The following NDUFV2 variants were observed in gnomAD, a reference collection of about 807,000 sequenced individuals.
The protein encoded by NDUFV2 is NADH:ubiquinone oxidoreductase core subunit V2.
In NDUFV2, 18 loss-of-function variants were observed where a neutral mutation model predicts 31.6. The observed-to-expected ratio is 0.57, with a 90% CI of 0.39 to 0.84. NDUFV2 has a LOEUF of 0.84. Among genes scored for constraint, NDUFV2 ranks in the 40% least tolerant of loss-of-function variants. The pLI, the probability that NDUFV2 is intolerant of heterozygous loss-of-function variation, is 0.00. For synonymous variants in NDUFV2, 83 were observed against 99.8 expected (o/e 0.83, Z 1.01); for missense variants, 314 against 303.6 (o/e 1.03, Z -0.26).
At chr18:9,133,183 A>T (rs1327387808) in intron 7 of NDUFV2, among the ~76,000 whole-genome samples, 6 of 152,370 alleles carry the variant, frequency 3.9e-5, no homozygotes, top group Non-Finnish European at 5.9e-5. Context: ...TCTAAAGAAC[A>T]GACTTAAAGG....
In NDUFV2 at chr18:9,124,976, A is replaced by T; in HGVS notation, c.572A>T (p.Asn191Ile). ...GCACCAATGGTTCAAATAAATGACA[A>T]TTACTATGTGAGTATTTCAGGTAAT... is the stretch of plus-strand genomic sequence containing the variant. ...VNAPMVQIND[N>I]YYEDLTAKDI... is the part of the protein sequence containing the mutation. Residue 191 changes from asparagine (N) to isoleucine (I), a missense_variant, in exon 6 of 8, where the codon AAT (asparagine) becomes ATT (isoleucine). Coordinates refer to ENST00000318388, the MANE Select transcript of NDUFV2 (RefSeq NM_021074.5). 1.9e-6 allele frequency: 3 copies of T among 1,613,412 alleles called. No homozygotes were observed. Among genetic ancestry groups the T allele is most frequent in the Non-Finnish European group, 2.5e-6 (3 of 1,179,528 alleles).
At chr18:9,116,131 C>T (rs1015345152) in intron 1 of NDUFV2, among the ~76,000 whole-genome samples, 1 of 152,148 alleles carries the variant, frequency 6.6e-6, no homozygotes, top group African/African-American at 2.4e-5. Context: ...TCTCTTCAGG[C>T]TATTAGCCTC....
At chr18:9,122,845 T>G (rs1036835203) in intron 5 of NDUFV2, among the ~76,000 whole-genome samples, 164 bp downstream of exon 5, 2 of 152,248 alleles carry the variant, frequency 1.3e-5, no homozygotes, top group Non-Finnish European at 2.9e-5. Flanking sequence ...TTCTTCCTAT[T>G]TGGTATTCTT....
chr18:9,104,968 A>G (rs1038410789), intron 1 of NDUFV2: 1 of 1,555,548 alleles, frequency 6.4e-7, no homozygotes, highest in African/African-American at 1.3e-5. Context: ...TTGTTTCTAC[A>G]AAAATGGAAA....
chr18:9,117,547 A>C (rs917378838), intron 1 of NDUFV2: 2 of 365,096 alleles, frequency 5.5e-6, no homozygotes, highest in Admixed American at 8.1e-5. Context: ...TAATTCTCCA[A>C]ATGCATGCCA....
Position 9,102,719 on chromosome 18 carries a change from G to C in NDUFV2, c.-25G>C. On this transcript the variant is annotated 5_prime_UTR_variant, in exon 1 of 8. Transcript: ENST00000318388. ...TCGGGATTCTCGCCTGGCGCGGCTGGGGAAGGTGAACAGTGTGGCCCGCCA... is the reference window on the plus strand; with the variant it reads ...TCGGGATTCTCGCCTGGCGCGGCTGCGGAAGGTGAACAGTGTGGCCCGCCA... 6.3e-7 allele frequency: 1 copy of C among 1,577,670 alleles called. No individual in the cohort carries two copies. The highest frequency in any genetic ancestry group is 8.6e-7 in the Non-Finnish European group (1 of 1,164,646).
chr18:9,115,859 CAA>C (rs759253640), intron 1 of NDUFV2: 19 of 129,640 alleles, frequency 1.5e-4, no homozygotes, highest in Admixed American at 1.5e-4. Context: ...ACTCCGTCTC[CAA>C]AAAAAAAAAA....
intron 1 of NDUFV2, among the ~76,000 whole-genome samples, chr18:9,106,286 G>T (rs544205856): frequency 6.6e-6 from 1 of 152,296 alleles, no homozygotes; most frequent in Admixed American, 6.5e-5. Context: ...TAAAAGATGT[G>T]AAGAAAAAAC....
At chr18:9,117,114 G>A (rs2077902203) in intron 1 of NDUFV2, among the ~76,000 whole-genome samples, 2 of 150,904 alleles carry the variant, frequency 1.3e-5, no homozygotes, top group Admixed American at 6.6e-5. Flanking sequence ...TCGGCTCACT[G>A]CAACCTCTGC....
chr18:9,116,226 A>G (rs1486397696), intron 1 of NDUFV2, among the ~76,000 whole-genome samples: 1 of 152,220 alleles, frequency 6.6e-6, no homozygotes, highest in Non-Finnish European at 1.5e-5. Flanking sequence ...TTATAGAGAA[A>G]AGAAGATAGG....
intron 7 of NDUFV2, among the ~76,000 whole-genome samples, chr18:9,128,461 A>G (rs140736987): frequency 1.8e-4 from 28 of 152,360 alleles, no homozygotes; most frequent in African/African-American, 5.0e-4. Context: ...CTGAGCCTAT[A>G]GAATTGAATT....
chr18:9,122,721 G>T (rs1452295242), intron 5 of NDUFV2, 40 bp downstream of exon 5: 1 of 1,600,748 alleles, frequency 6.2e-7, no homozygotes, highest in Admixed American at 1.7e-5. Context: ...ATAAAAAGTA[G>T]AATTGTCTCT....
chr18:9,104,825 G>A, intron 1 of NDUFV2: 1 of 1,079,462 alleles, frequency 9.3e-7, no homozygotes, highest in East Asian at 2.8e-5. Flanking sequence ...CGTCATACGT[G>A]TGTAGAAAAA....
intron 1 of NDUFV2, among the ~76,000 whole-genome samples, chr18:9,110,024 T>A (rs191362376): frequency 1.7e-3 from 264 of 152,308 alleles, no homozygotes; most frequent in Non-Finnish European, 3.1e-3. Context: ...GGAAGTTACT[T>A]GGATTTTCAA....
At chr18:9,107,435 G>C (rs1198271292) in intron 1 of NDUFV2, among the ~76,000 whole-genome samples, 1 of 152,214 alleles carries the variant, frequency 6.6e-6, no homozygotes, top group Non-Finnish European at 1.5e-5. Context: ...CAGGAAGCAT[G>C]TTATAAATCA....
intron 4 of NDUFV2, among the ~76,000 whole-genome samples, chr18:9,119,861 A>T (rs1458834834): frequency 2.6e-5 from 4 of 152,056 alleles, no homozygotes; most frequent in African/African-American, 9.7e-5. Flanking sequence ...ATGGTCAAAG[A>T]TAAAAGATTC....
At chr18:9,110,365 C>T (rs1568187209) in intron 1 of NDUFV2, among the ~76,000 whole-genome samples, 1 of 151,536 alleles carries the variant, frequency 6.6e-6, no homozygotes, top group African/African-American at 2.4e-5. Flanking sequence ...TTAAACACAC[C>T]AAAAAAACAA....
At chr18:9,123,494 T>C (rs12454025) in intron 5 of NDUFV2, among the ~76,000 whole-genome samples, 16,485 of 152,024 alleles carry the variant, frequency 0.11, 1,044 homozygotes, top group African/African-American at 0.16. Context: ...ATTTTTTTTT[T>C]CTGTTTTTTT....
chr18:9,109,702 G>C (rs997431472), intron 1 of NDUFV2, among the ~76,000 whole-genome samples: 2 of 152,164 alleles, frequency 1.3e-5, no homozygotes, highest in Non-Finnish European at 2.9e-5. Flanking sequence ...GTGCGGTATG[G>C]GGCAAGTTAC....
Sources: allele counts gnomAD v4.1 joint callset (sites outside exome capture counted in the v4.1 genomes callset), GRCh38; gene constraint gnomAD v4.1.1; transcripts MANE v1.5; gene names NCBI Gene and HGNC (gene_info 2026-07-23, HGNC 2026-07-21).